GALNT5: variants seen among roughly 807,000 people sequenced by gnomAD.
GALNT5 encodes the protein UDP-GalNAc:polypeptide N-acetylgalactosaminyltransferase 5.
A neutral mutation model predicts 85.4 loss-of-function variants in GALNT5; 72 were observed. The observed-to-expected ratio is 0.84, with a 90% CI of 0.70 to 1.03. GALNT5 has a LOEUF of 1.03. GALNT5 is among the 50% of genes least tolerant of loss of function. The pLI is 0.00. For synonymous variants in GALNT5, 404 were observed against 397.0 expected, an observed-to-expected ratio of 1.02 and a Z score of -0.21; for missense variants, 1,137 against 1,135.5, an observed-to-expected ratio of 1.00 and a Z score of -0.02.
chr2:157,283,040 T>C (rs1159963770), intron 1 of GALNT5, among the ~76,000 whole-genome samples: 1 of 152,234 alleles, frequency 6.6e-6, no homozygotes, highest in East Asian at 1.9e-4. Flanking sequence ...TCACAAAATG[T>C]CGCATCTACT....
chr2:157,270,606 G>A lies in GALNT5; in HGVS notation c.1454+11070G>A, dbSNP rs145113694. ...ATTTCTTCCACTATTTAAGCTTTAA[G>A]TTCCATCTCATCTCCATCCATTCAT... On this transcript the variant is annotated intron_variant, in intron 1 of 9. Transcript: ENST00000259056. Among the ~76,000 whole-genome samples, 701 of 152,190 alleles carry A rather than the reference G, an allele frequency of 4.6e-3. 6 individuals carry two copies. Among genetic ancestry groups the A allele is most frequent in the African/African-American group, 0.016 (655 of 41,508 alleles).
At chr2:157,295,632 C>G (rs1370963521) in intron 3 of GALNT5, 31 bp from the exon 4 acceptor site, 1 of 1,586,288 alleles carries the variant, frequency 6.3e-7, no homozygotes. Flanking sequence ...ATCGTATTTT[C>G]TAAGTTTTTT....
chr2:157,318,265 A>T lies in GALNT5; in HGVS notation c.*6917A>T, dbSNP rs1683765291. Among the ~76,000 whole-genome samples, 1 of 152,142 alleles carries T rather than the reference A, an allele frequency of 6.6e-6. No homozygotes were observed. The highest frequency in any genetic ancestry group is 2.1e-4 in the South Asian group (1 of 4,834). On this transcript the variant is annotated 3_prime_UTR_variant, in exon 10 of 10. Coordinates refer to ENST00000259056, the MANE Select transcript of GALNT5 (RefSeq NM_014568.3). ...GATCCCATGTAAATATGCAGAAACG[A>T]TTGCTATGAAAATGTCAGCATAGTT... is the stretch of plus-strand genomic sequence containing the variant.
chr2:157,294,673 G>T (rs1683171700), intron 3 of GALNT5, among the ~76,000 whole-genome samples: 1 of 152,140 alleles, frequency 6.6e-6, no homozygotes, highest in Non-Finnish European at 1.5e-5. Context: ...AGCCCCAGTA[G>T]GTAGAGCCTT....
At chr2:157,298,038 A>C (rs922091043) in intron 5 of GALNT5, among the ~76,000 whole-genome samples, 1 of 152,218 alleles carries the variant, frequency 6.6e-6, no homozygotes, top group Non-Finnish European at 1.5e-5. Flanking sequence ...ACTGAATCAG[A>C]TAACATATAA....
At chr2:157,290,343 C>T (rs754920548) in intron 3 of GALNT5, among the ~76,000 whole-genome samples, 2 of 151,882 alleles carry the variant, frequency 1.3e-5, no homozygotes, top group African/African-American at 4.8e-5. Context: ...AGGTTTGTCT[C>T]GATGTATCCT....
At chr2:157,309,980 G>A (rs1311002927) in intron 9 of GALNT5, among the ~76,000 whole-genome samples, 1 of 152,070 alleles carries the variant, frequency 6.6e-6, no homozygotes, top group Non-Finnish European at 1.5e-5. Context: ...GGGAGGGAAG[G>A]AGAAAGGGGG....
intron 7 of GALNT5, among the ~76,000 whole-genome samples, 154 bp from the exon 8 acceptor site, chr2:157,305,593 GAT>G (rs1326383901): frequency 6.6e-6 from 1 of 152,198 alleles, no homozygotes; most frequent in African/African-American, 2.4e-5. Context: ...CTCTGTTAGA[GAT>G]AGCAACCAAT....
intron 1 of GALNT5, among the ~76,000 whole-genome samples, chr2:157,267,577 A>C (rs1441913055): frequency 6.6e-6 from 1 of 152,096 alleles, no homozygotes; most frequent in Non-Finnish European, 1.5e-5. Context: ...GAACATCCCC[A>C]CCTAGTACTA....
rs1683217983 is a variant in GALNT5 at position 157,296,512 on chromosome 2, AG to A, written c.1997+1del. 2 of 1,607,624 alleles carry A rather than the reference AG, an allele frequency of 1.2e-6. No individual in the cohort carries two copies. The highest frequency in any genetic ancestry group is 1.7e-5 in the Admixed American group (1 of 59,614). On this transcript the variant is annotated frameshift_variant and splice_region_variant, in exon 5 of 10. Transcript: ENST00000259056. LOFTEE classifies it high-confidence loss of function. ...CAGAATTAAAGAAACTGATACAATAAGGTAAGTGTGGGAAATTTAAGACTAG... is the reference window on the plus strand; with the variant it reads ...CAGAATTAAAGAAACTGATACAATAAGTAAGTGTGGGAAATTTAAGACTAG... The part of the protein sequence containing the change: ...KNRIKETDTI[R>X]CPVMAGGLFS...
chr2:157,261,351 G>C (rs1200408503), intron 1 of GALNT5, among the ~76,000 whole-genome samples: 1 of 152,172 alleles, frequency 6.6e-6, no homozygotes, highest in Non-Finnish European at 1.5e-5. Context: ...TGAAAGCTCG[G>C]GGACTCCCAG....
chr2:157,297,437 A>G (rs1280622823), intron 5 of GALNT5, among the ~76,000 whole-genome samples: 3 of 152,194 alleles, frequency 2.0e-5, no homozygotes, highest in African/African-American at 7.2e-5. Flanking sequence ...TAGACTTAAA[A>G]GCATTAAGTA....
chr2:157,267,104 A>G (rs1173216886), intron 1 of GALNT5, among the ~76,000 whole-genome samples: 3 of 152,214 alleles, frequency 2.0e-5, no homozygotes, highest in Non-Finnish European at 4.4e-5. Context: ...TGTTGGGAAA[A>G]AGGAGATAAA....
At chr2:157,287,122 T>C (rs1231197822) in intron 3 of GALNT5, among the ~76,000 whole-genome samples, 2 of 152,178 alleles carry the variant, frequency 1.3e-5, no homozygotes, top group Non-Finnish European at 2.9e-5. Context: ...TCACCAGTAT[T>C]GTTGATACTA....
At chr2:157,295,956 G>A (rs1683206294) in intron 4 of GALNT5, among the ~76,000 whole-genome samples, 158 bp downstream of exon 4, 1 of 152,044 alleles carries the variant, frequency 6.6e-6, no homozygotes, top group Admixed American at 6.5e-5. Flanking sequence ...CGATATCTTG[G>A]GATCAGAGTC....
intron 7 of GALNT5, chr2:157,301,436 G>A: frequency 4.9e-6 from 1 of 205,914 alleles, no homozygotes; most frequent in Non-Finnish European, 1.0e-5. Context: ...CTGAGAAGGA[G>A]ACTTTGTAAC....
chr2:157,283,539 C>G (rs899468347), intron 1 of GALNT5, among the ~76,000 whole-genome samples: 1 of 152,132 alleles, frequency 6.6e-6, no homozygotes, highest in Non-Finnish European at 1.5e-5. Context: ...AGAGTATCAG[C>G]AAGGAAGCCC....
chr2:157,284,572 T>C, intron 2 of GALNT5, 124 bp downstream of exon 2: 1 of 708,408 alleles, frequency 1.4e-6, no homozygotes. Context: ...ACAAATGCTT[T>C]GTTTTACGTG....
At chr2:157,294,573 G>C (rs1021919560) in intron 3 of GALNT5, among the ~76,000 whole-genome samples, 19 of 152,178 alleles carry the variant, frequency 1.2e-4, no homozygotes, top group Non-Finnish European at 2.5e-4. Flanking sequence ...GCCGAGTGGA[G>C]GGTCTGAGAC....
Sources: gnomAD v4.1 joint callset for allele counts (sites outside exome capture counted in the v4.1 genomes callset) on GRCh38, gnomAD v4.1.1 for gene constraint, MANE v1.5 for transcripts, NCBI Gene and HGNC (gene_info 2026-07-23, HGNC 2026-07-21) for gene names.